Variants in GK5 observed in about 807,000 individuals in gnomAD.
The protein encoded by GK5 is ATP:glycerol 3-phosphotransferase 5.
Under a neutral mutation model 77.3 loss-of-function variants are expected in GK5, and 39 were observed. The observed-to-expected ratio is 0.50, with a 90% CI of 0.39 to 0.66. The LOEUF is 0.66. Ranked by LOEUF, GK5 falls within the 30% of genes least tolerant of loss-of-function variation. The pLI is 0.00. For missense variants in GK5, 487 were observed against 633.8 expected, an observed-to-expected ratio of 0.77 and a Z score of 2.49; for synonymous variants, 211 against 208.0, an observed-to-expected ratio of 1.01 and a Z score of -0.13.
chr3:142,196,239 TAATCTTTTCAAAG>T (rs1251687721), intron 5 of GK5, among the ~76,000 whole-genome samples: 3 of 152,090 alleles, frequency 2.0e-5, no homozygotes, highest in African/African-American at 7.2e-5. Context: ...TCAGTTTAGC[TAATCTTTTCAAAG>T]AAGCAACTTT....
chr3:142,189,632 G>A (rs1465628243), intron 5 of GK5, among the ~76,000 whole-genome samples: 2 of 152,162 alleles, frequency 1.3e-5, no homozygotes, highest in African/African-American at 4.8e-5. Flanking sequence ...TAGGAGGCTA[G>A]GGTGACACAG....
chr3:142,214,594 A>G (rs1274957409), intron 2 of GK5, among the ~76,000 whole-genome samples: 2 of 152,242 alleles, frequency 1.3e-5, no homozygotes, highest in African/African-American at 4.8e-5. Context: ...ACACTCTACT[A>G]AACTGGCTTG....
chr3:142,195,557 GC>G (rs2063922727), intron 5 of GK5, among the ~76,000 whole-genome samples: 1 of 152,032 alleles, frequency 6.6e-6, no homozygotes. Flanking sequence ...TTGCTATATT[GC>G]CCAGGCTGGT....
intron 2 of GK5, 69 bp from the exon 3 acceptor site, chr3:142,213,670 T>C (rs943005330): frequency 1.9e-5 from 19 of 996,248 alleles, no homozygotes; most frequent in South Asian, 2.8e-5. Flanking sequence ...TATTACAATA[T>C]AGAAAAAGAA....
In GK5 at chr3:142,225,482, A is replaced by C; in HGVS notation, c.-27T>G. ...CCGATCCCGCACGCCTCTCCGCTAC[A>C]GCCGCCTACCCAGAGGGCGCGCTAC... On this transcript the variant is annotated 5_prime_UTR_variant, in exon 1 of 16. Coordinates refer to ENST00000392993, the MANE Select transcript of GK5 (RefSeq NM_001039547.3). 6.3e-7 allele frequency: 1 copy of C among 1,596,140 alleles called. No individual in the cohort carries two copies. Among genetic ancestry groups the C allele is most frequent in the Non-Finnish European group, 8.5e-7 (1 of 1,176,910 alleles).
At chr3:142,176,356 T>C (rs2063610243) in intron 12 of GK5, among the ~76,000 whole-genome samples, 1 of 152,086 alleles carries the variant, frequency 6.6e-6, no homozygotes. Context: ...AAAGAGAAAG[T>C]TGTATTTTTT....
At chr3:142,171,863 C>T (rs2063544005) in intron 13 of GK5, among the ~76,000 whole-genome samples, 1 of 152,062 alleles carries the variant, frequency 6.6e-6, no homozygotes, top group South Asian at 2.1e-4. Context: ...TTTGTAATCA[C>T]AGAAAATTTT....
At position 142,162,315 on chromosome 3, in the gene GK5, G is replaced by A. The variant is rs2063431790; in HGVS notation, c.*3307C>T. The stretch of plus-strand genomic sequence containing the variant: ...CAATTTTGCCTCTCAGAATGGCAAT[G>A]TTTGAAGACATTTTTGGCCATAACA... On this transcript the variant is annotated 3_prime_UTR_variant, in exon 16 of 16. Coordinates refer to ENST00000392993, the MANE Select transcript of GK5 (RefSeq NM_001039547.3). 1 of 152,184 alleles carries A rather than the reference G, an allele frequency of 6.6e-6. No individual in the cohort carries two copies. Among genetic ancestry groups the A allele is most frequent in the Non-Finnish European group, 1.5e-5 (1 of 68,030 alleles). 9.4% of individuals were successfully genotyped at this position (152,184 alleles called of 1,614,324 possible). A position where few individuals can be genotyped will look rare whatever the true frequency, so the allele number is the denominator to read the frequency against.
rs1257676158 is a variant in GK5, at chr3:142,158,338, G to C, written c.*7284C>G. Reference sequence around the variant, plus strand: ...AGTGATTCTCCAGCCTCAGCCTCCTGAGTAGCTGGGAATAGAAGAGCATGC... The same window carrying C: ...AGTGATTCTCCAGCCTCAGCCTCCTCAGTAGCTGGGAATAGAAGAGCATGC... On this transcript the variant is annotated 3_prime_UTR_variant, in exon 16 of 16. Transcript: ENST00000392993. The C allele has an allele frequency of 6.6e-6, 1 of 152,130 alleles. No homozygotes were observed. The highest frequency in any genetic ancestry group is 1.5e-5 in the Non-Finnish European group (1 of 68,028). 9.4% of individuals were successfully genotyped at this position (152,130 alleles called of 1,614,324 possible). A position where few individuals can be genotyped will look rare whatever the true frequency, so the allele number is the denominator to read the frequency against.
intron 5 of GK5, among the ~76,000 whole-genome samples, chr3:142,198,253 T>C (rs553580217): frequency 2.6e-5 from 4 of 152,252 alleles, no homozygotes; most frequent in East Asian, 3.9e-4. Flanking sequence ...ACACACAACA[T>C]TGCTATATGT....
chr3:142,181,627 ACAATG>A, intron 10 of GK5, 62 bp from the exon 11 acceptor site: 1 of 1,151,582 alleles, frequency 8.7e-7, no homozygotes, highest in Non-Finnish European at 1.3e-6. Flanking sequence ...AGAGACTTCT[ACAATG>A]TAATGATTTG....
intron 1 of GK5, among the ~76,000 whole-genome samples, chr3:142,223,018 C>T (rs6791367): frequency 0.63 from 96,253 of 152,070 alleles, 30,933 homozygotes; most frequent in Non-Finnish European, 0.68. Flanking sequence ...GTGCTTTATC[C>T]GGGAAGAGCA....
At chr3:142,199,973 C>A (rs984569701) in intron 4 of GK5, among the ~76,000 whole-genome samples, 1 of 151,696 alleles carries the variant, frequency 6.6e-6, no homozygotes, top group South Asian at 2.1e-4. Context: ...AAATTTTTTT[C>A]TTTCATTTTT....
chr3:142,165,821 T>G (rs1252605379), intron 15 of GK5, 51 bp from the exon 16 acceptor site: 8 of 1,337,610 alleles, frequency 6.0e-6, no homozygotes, highest in Non-Finnish European at 7.1e-6. Flanking sequence ...ATGAGTCCAA[T>G]AAAGTTTATC....
chr3:142,201,631 T>C (rs529864140), intron 4 of GK5, among the ~76,000 whole-genome samples: 205 of 152,268 alleles, frequency 1.3e-3, no homozygotes, highest in Middle Eastern at 6.8e-3. Flanking sequence ...ATAGAACTTA[T>C]ATACATACAC....
intron 1 of GK5, among the ~76,000 whole-genome samples, chr3:142,220,674 T>C (rs954352354): frequency 6.6e-6 from 1 of 152,200 alleles, no homozygotes; most frequent in Non-Finnish European, 1.5e-5. Context: ...GTCTCCTTAG[T>C]TCATTTTATC....
intron 5 of GK5, among the ~76,000 whole-genome samples, chr3:142,188,611 G>T (rs1577123782): frequency 6.6e-6 from 1 of 152,252 alleles, no homozygotes; most frequent in African/African-American, 2.4e-5. Context: ...CTCTGTTTTT[G>T]TACAGCAAAT....
In GK5 at chr3:142,157,953, TTTTG is replaced by T. The variant is rs2063395428; in HGVS notation, c.*7665_*7668del. On this transcript the variant is annotated 3_prime_UTR_variant, in exon 16 of 16. Coordinates refer to ENST00000392993, the MANE Select transcript of GK5 (RefSeq NM_001039547.3). Reference sequence around the variant, plus strand: ...TGTTTTTTGTTGTTGTTGTTGTTGTTTTTGTTTTTTTTTTTTGAGATGGAGTCTC... The same window carrying T: ...TGTTTTTTGTTGTTGTTGTTGTTGTTTTTTTTTTTTTTGAGATGGAGTCTC... The T allele has an allele frequency of 7.0e-6, 1 of 142,626 alleles. No individual in the cohort carries two copies. The highest frequency in any genetic ancestry group is 1.5e-5 in the Non-Finnish European group (1 of 67,138). The allele number at this position is 142,626 out of a possible 1,614,324, so 8.8% of individuals were successfully genotyped here.
chr3:142,175,674 C>T (rs187015655), intron 12 of GK5, among the ~76,000 whole-genome samples: 1 of 152,216 alleles, frequency 6.6e-6, no homozygotes, highest in African/African-American at 2.4e-5. Context: ...TACGGTCAAC[C>T]TACCACCTCT....
Sources: gnomAD v4.1 joint callset for allele counts (sites outside exome capture counted in the v4.1 genomes callset) on GRCh38, gnomAD v4.1.1 for gene constraint, MANE v1.5 for transcripts, NCBI Gene and HGNC (gene_info 2026-07-23, HGNC 2026-07-21) for gene names.